The following LINGO2 variants were observed in gnomAD, a reference collection of about 807,000 sequenced individuals.
LINGO2 encodes leucine-rich repeat and immunoglobulin-like domain-containing nogo receptor-interacting protein 2.
LINGO2 carries 14 observed loss-of-function variants against 30.6 expected under a neutral mutation model. The observed-to-expected ratio is 0.46, with a 90% CI of 0.30 to 0.72. The LOEUF (loss-of-function observed/expected upper bound fraction) is 0.72, where lower values mean the gene tolerates loss of function less well. Ranked by LOEUF, LINGO2 falls within the 30% of genes least tolerant of loss-of-function variation. The pLI is 0.07. For missense variants in LINGO2, 729 were observed against 751.7 expected, an observed-to-expected ratio of 0.97 and a Z score of 0.35; for synonymous variants, 317 against 288.5, an observed-to-expected ratio of 1.10 and a Z score of -1.00.
At chr9:28,401,351 T>A (rs1822257356) in intron 2 of LINGO2, among the ~76,000 whole-genome samples, 1 of 151,984 alleles carries the variant, frequency 6.6e-6, no homozygotes, top group Admixed American at 6.6e-5. Context: ...GTGTTCTCAA[T>A]GTTCAACTCC....
chr9:29,079,287 G>C, the LINGO2 span, among the ~76,000 whole-genome samples: 4 of 151,890 alleles, frequency 2.6e-5, no homozygotes, highest in African/African-American at 9.7e-5. Context: ...AAAATAAAAG[G>C]AGGTAATTTT....
At chr9:28,557,422 A>T (rs1286628823) in intron 1 of LINGO2, among the ~76,000 whole-genome samples, 1 of 152,172 alleles carries the variant, frequency 6.6e-6, no homozygotes, top group Non-Finnish European at 1.5e-5. Context: ...GCCATCAGAG[A>T]AATGCAAATC....
the LINGO2 span, among the ~76,000 whole-genome samples, chr9:28,935,126 T>C: frequency 6.6e-6 from 1 of 152,158 alleles, no homozygotes; most frequent in Non-Finnish European, 1.5e-5. Flanking sequence ...AGGATATATA[T>C]ACTTGTAACC....
At chr9:28,681,533 C>G in the LINGO2 span, among the ~76,000 whole-genome samples, 11 of 151,686 alleles carry the variant, frequency 7.3e-5, no homozygotes, top group Admixed American at 7.2e-4. Context: ...AACAAACACA[C>G]AAAAAAGAAG....
At chr9:28,495,610 G>A (rs1215722350) in intron 1 of LINGO2, among the ~76,000 whole-genome samples, 1 of 152,072 alleles carries the variant, frequency 6.6e-6, no homozygotes, top group African/African-American at 2.4e-5. Context: ...TGCTGTTTTT[G>A]TTACTGTAGG....
intron 2 of LINGO2, among the ~76,000 whole-genome samples, chr9:28,446,054 G>A (rs1336424863): frequency 6.6e-6 from 1 of 152,136 alleles, no homozygotes; most frequent in Non-Finnish European, 1.5e-5. Flanking sequence ...GAACATTATA[G>A]AGAAAATACA....
chr9:28,012,151 C>T (rs1394275863), intron 5 of LINGO2, among the ~76,000 whole-genome samples: 5 of 152,108 alleles, frequency 3.3e-5, no homozygotes. Context: ...GCAAAATTGC[C>T]TTCTCTGCTT....
At chr9:28,732,810 C>T in the LINGO2 span, among the ~76,000 whole-genome samples, 1 of 151,788 alleles carries the variant, frequency 6.6e-6, no homozygotes, top group African/African-American at 2.4e-5. Flanking sequence ...TCTTCTCATG[C>T]TATGAAATAA....
At chr9:29,072,000 GC>G in the LINGO2 span, among the ~76,000 whole-genome samples, 1 of 152,062 alleles carries the variant, frequency 6.6e-6, no homozygotes, top group South Asian at 2.1e-4. Context: ...GCAAGTATTA[GC>G]AATGGCTTCT....
chr9:28,183,633 T>C (rs1249427246), intron 4 of LINGO2, among the ~76,000 whole-genome samples: 3 of 152,166 alleles, frequency 2.0e-5, no homozygotes, highest in Non-Finnish European at 4.4e-5. Context: ...ATGAGAGTTA[T>C]ACAATGTGAC....
At chr9:28,817,764 A>T in the LINGO2 span, among the ~76,000 whole-genome samples, 1 of 152,162 alleles carries the variant, frequency 6.6e-6, no homozygotes, top group African/African-American at 2.4e-5. Context: ...AGAGGAGGGC[A>T]ATGTATTTTG....
the LINGO2 span, among the ~76,000 whole-genome samples, chr9:28,839,747 G>C: frequency 3.9e-5 from 6 of 152,162 alleles, no homozygotes; most frequent in Non-Finnish European, 8.8e-5. Context: ...CTGCGTACGT[G>C]GCAGTCCGCC....
chr9:29,010,637 C>T, the LINGO2 span, among the ~76,000 whole-genome samples: 1 of 152,124 alleles, frequency 6.6e-6, no homozygotes, highest in Non-Finnish European at 1.5e-5. Context: ...AACTTCATGA[C>T]AATTTGCGTA....
intron 1 of LINGO2, among the ~76,000 whole-genome samples, chr9:28,484,077 A>G (rs919997583): frequency 6.6e-6 from 1 of 152,086 alleles, no homozygotes; most frequent in African/African-American, 2.4e-5. Flanking sequence ...AGCTTCCAGT[A>G]GCATGGTCTT....
At chr9:28,584,529 T>A (rs901731386) in intron 1 of LINGO2, among the ~76,000 whole-genome samples, 1 of 152,014 alleles carries the variant, frequency 6.6e-6, no homozygotes, top group Non-Finnish European at 1.5e-5. Flanking sequence ...AATAACTTGT[T>A]GAATATAGTA....
intron 4 of LINGO2, among the ~76,000 whole-genome samples, chr9:28,196,387 T>G (rs1265259661): frequency 6.6e-6 from 1 of 151,736 alleles, no homozygotes; most frequent in African/African-American, 2.4e-5. Flanking sequence ...TAGAAAGTAA[T>G]AAGAGACTCA....
the LINGO2 span, chr9:27,937,919 T>G: frequency 2.6e-5 from 4 of 152,140 alleles, no homozygotes; most frequent in African/African-American, 9.7e-5. Flanking sequence ...AATTATAGCT[T>G]CTCTTCCAAT....
chr9:28,249,524 G>C (rs1486588449), intron 4 of LINGO2, among the ~76,000 whole-genome samples: 2 of 152,060 alleles, frequency 1.3e-5, no homozygotes, highest in Non-Finnish European at 2.9e-5. Context: ...TTACAAAGAA[G>C]TTTCCTTAAA....
chr9:28,300,262 T>G (rs1439250434), intron 3 of LINGO2, among the ~76,000 whole-genome samples: 1 of 152,144 alleles, frequency 6.6e-6, no homozygotes, highest in African/African-American at 2.4e-5. Context: ...GCTACATTAT[T>G]AGTAATCACA....
Sources: gnomAD v4.1 joint callset for allele counts (sites outside exome capture counted in the v4.1 genomes callset) on GRCh38, gnomAD v4.1.1 for gene constraint, MANE v1.5 for transcripts, NCBI Gene and HGNC (gene_info 2026-07-23, HGNC 2026-07-21) for gene names.